The following GNAQ variants were observed in gnomAD, a reference collection of about 807,000 sequenced individuals.
GNAQ encodes guanine nucleotide-binding protein G(q) subunit alpha.
GNAQ carries 8 observed loss-of-function variants against 43.9 expected under a neutral mutation model. The ratio of observed to expected loss-of-function variants is 0.18; its 90% CI spans 0.11 to 0.33. The LOEUF (loss-of-function observed/expected upper bound fraction) is 0.33, where lower values mean the gene tolerates loss of function less well. Ranked by LOEUF, GNAQ falls within the 10% of genes least tolerant of loss-of-function variation. The pLI, the probability that GNAQ is intolerant of heterozygous loss-of-function variation, is 1.00. For synonymous variants in GNAQ, 155 were observed against 170.7 expected (o/e 0.91, Z 0.71); for missense variants, 158 against 450.8 (o/e 0.35, Z 5.88).
intron 1 of GNAQ, among the ~76,000 whole-genome samples, chr9:78,010,264 G>C (rs17064024): frequency 6.6e-6 from 1 of 152,142 alleles, no homozygotes; most frequent in Non-Finnish European, 1.5e-5. Flanking sequence ...AGGGTGTCAT[G>C]AGGCCAACTT....
intron 1 of GNAQ, among the ~76,000 whole-genome samples, chr9:78,015,012 G>A (rs974721175): frequency 6.6e-6 from 1 of 152,188 alleles, no homozygotes; most frequent in Admixed American, 6.5e-5. Context: ...TTGTACAAAA[G>A]TGTACAGTCA....
chr9:77,746,620 TAAACG>T (rs936493538), intron 5 of GNAQ, among the ~76,000 whole-genome samples: 2 of 151,892 alleles, frequency 1.3e-5, no homozygotes, highest in Non-Finnish European at 2.9e-5. Flanking sequence ...ACCAAAAAAA[TAAACG>T]AAATTACAGC....
chr9:77,955,143 T>C (rs1048055365), intron 1 of GNAQ, among the ~76,000 whole-genome samples: 2 of 152,148 alleles, frequency 1.3e-5, no homozygotes, highest in Non-Finnish European at 1.5e-5. Context: ...CTTTCAAGAA[T>C]CTTTTTCTTG....
chr9:77,861,701 C>T (rs1587370554), intron 2 of GNAQ, among the ~76,000 whole-genome samples: 1 of 152,116 alleles, frequency 6.6e-6, no homozygotes, highest in African/African-American at 2.4e-5. Flanking sequence ...ATCCCGGTCA[C>T]ACTGATGCGT....
chr9:77,790,908 C>A (rs1826560848), intron 5 of GNAQ, among the ~76,000 whole-genome samples: 1 of 152,202 alleles, frequency 6.6e-6, no homozygotes, highest in African/African-American at 2.4e-5. Context: ...GTAGCAGCTT[C>A]AGCAAGTTTT....
chr9:77,818,037 A>C (rs921041689), intron 2 of GNAQ, among the ~76,000 whole-genome samples: 1 of 152,182 alleles, frequency 6.6e-6, no homozygotes, highest in Non-Finnish European at 1.5e-5. Context: ...AAACAAAAAA[A>C]AACTGTCTTG....
At chr9:77,982,852 G>A (rs1420205291) in intron 1 of GNAQ, among the ~76,000 whole-genome samples, 1 of 141,214 alleles carries the variant, frequency 7.1e-6, no homozygotes, top group Non-Finnish European at 1.6e-5. Flanking sequence ...TGTAAATGAC[G>A]AGTTAATGGG....
rs542892829 is a variant in GNAQ, at chr9:77,794,057, A to C, written c.735+406T>G. 7.3e-5 allele frequency among the ~76,000 whole-genome samples: 11 copies of C among 150,028 alleles called. No homozygotes were observed. The East Asian group carries it at 2.1e-3, about 29-fold the overall frequency. On this transcript the variant is annotated intron_variant, in intron 5 of 6. Transcript: ENST00000286548. ...ACATTTGCCAAGAGAGATTTTGAGT[A>C]CTCTTTGGGACACACCCATCACACA...
intron 1 of GNAQ, among the ~76,000 whole-genome samples, chr9:78,000,262 G>A (rs1204960035): frequency 6.6e-6 from 1 of 152,138 alleles, no homozygotes; most frequent in Non-Finnish European, 1.5e-5. Flanking sequence ...GGCCCCAAAT[G>A]TTATGCCAGC....
At chr9:77,819,026 A>G (rs1438322006) in intron 2 of GNAQ, among the ~76,000 whole-genome samples, 7 of 150,490 alleles carry the variant, frequency 4.7e-5, no homozygotes, top group Admixed American at 2.7e-4. Context: ...AAAAAAAAAA[A>G]AAACACCCAA....
At chr9:77,725,814 A>G (rs1010775126) in intron 6 of GNAQ, among the ~76,000 whole-genome samples, 2 of 152,090 alleles carry the variant, frequency 1.3e-5, no homozygotes, top group Admixed American at 6.6e-5. Context: ...GTGGCTAGGT[A>G]TGCTGCATCT....
At chr9:77,772,943 A>C (rs7037775) in intron 5 of GNAQ, among the ~76,000 whole-genome samples, 1,802 of 152,344 alleles carry the variant, frequency 0.012, 22 homozygotes, top group African/African-American at 0.041. Context: ...ACACGCCAAA[A>C]AAAATCTCAT....
intron 2 of GNAQ, among the ~76,000 whole-genome samples, chr9:77,879,353 T>C (rs900973047): frequency 1.3e-5 from 2 of 152,034 alleles, no homozygotes; most frequent in Non-Finnish European, 2.9e-5. Context: ...AACCTCCGCC[T>C]CCCGGGTTCA....
chr9:77,742,024 C>T (rs1167602931), intron 5 of GNAQ, among the ~76,000 whole-genome samples: 1 of 152,130 alleles, frequency 6.6e-6, no homozygotes. Flanking sequence ...TTTATTTTGT[C>T]CATGTTCTAT....
chr9:77,942,270 C>T (rs1185531311), intron 1 of GNAQ, among the ~76,000 whole-genome samples: 1 of 152,040 alleles, frequency 6.6e-6, no homozygotes, highest in African/African-American at 2.4e-5. Context: ...CCTCTAAGAC[C>T]AGCCTTGTGA....
intron 1 of GNAQ, among the ~76,000 whole-genome samples, chr9:77,981,441 C>T (rs184869756): frequency 1.1e-4 from 17 of 152,296 alleles, no homozygotes; most frequent in Middle Eastern, 3.4e-3. Flanking sequence ...CATGTGAAGA[C>T]GCTGAAGGCA....
chr9:77,804,403 GC>G (rs778752686), intron 3 of GNAQ, among the ~76,000 whole-genome samples: 1 of 152,150 alleles, frequency 6.6e-6, no homozygotes, highest in East Asian at 1.9e-4. Context: ...GGCGGCATGT[GC>G]CTACAGTCCC....
chr9:77,820,087 C>CAAA (rs3083136), intron 2 of GNAQ, among the ~76,000 whole-genome samples: 1 of 104,992 alleles, frequency 9.5e-6, no homozygotes, highest in African/African-American at 4.1e-5. Context: ...ATTTAAAATG[C>CAAA]AAAAAAAAAA....
chr9:77,934,408 G>C (rs911110250), intron 1 of GNAQ, among the ~76,000 whole-genome samples: 1 of 152,024 alleles, frequency 6.6e-6, no homozygotes, highest in African/African-American at 2.4e-5. Flanking sequence ...CTTCTTTCAA[G>C]GTTAATATGT....
Sources: allele counts gnomAD v4.1 joint callset (sites outside exome capture counted in the v4.1 genomes callset), GRCh38; gene constraint gnomAD v4.1.1; transcripts MANE v1.5; gene names NCBI Gene and HGNC (gene_info 2026-07-23, HGNC 2026-07-21).